Variants in MSI2 observed in about 807,000 individuals in gnomAD.
MSI2 encodes musashi RNA binding protein 2.
In MSI2, 17 loss-of-function variants were observed where a neutral mutation model predicts 45.6. The ratio of observed to expected loss-of-function variants is 0.37; its 90% CI spans 0.26 to 0.56. MSI2 has a LOEUF of 0.56. Ranked by LOEUF, MSI2 falls within the 20% of genes least tolerant of loss-of-function variation. The pLI is 0.77. For missense variants in MSI2, 293 were observed against 444.2 expected (o/e 0.66, Z 3.06); for synonymous variants, 156 against 158.2 (o/e 0.99, Z 0.11).
chr17:57,568,257 A>T (rs955488894), intron 7 of MSI2, among the ~76,000 whole-genome samples: 1 of 152,170 alleles, frequency 6.6e-6, no homozygotes, highest in African/African-American at 2.4e-5. Context: ...GTTTTTCACC[A>T]AATTATATTT....
chr17:57,606,181 T>G (rs1906556853), intron 8 of MSI2: 1 of 152,610 alleles, frequency 6.6e-6, no homozygotes, highest in Non-Finnish European at 1.5e-5. Flanking sequence ...TCTCTCTTCC[T>G]CTTCACTCCC....
At chr17:57,481,634 T>C (rs914715091) in intron 6 of MSI2, among the ~76,000 whole-genome samples, 2 of 152,156 alleles carry the variant, frequency 1.3e-5, no homozygotes, top group African/African-American at 4.8e-5. Flanking sequence ...GCTCCAAATA[T>C]CCCAAAGAAG....
intron 6 of MSI2, among the ~76,000 whole-genome samples, chr17:57,519,427 C>T (rs370194315): frequency 5.7e-4 from 87 of 152,158 alleles, no homozygotes; most frequent in African/African-American, 2.1e-3. Flanking sequence ...AGTCACTGCA[C>T]GGGGCGGGGA....
At chr17:57,653,778 GT>G (rs1911364549) in intron 11 of MSI2, among the ~76,000 whole-genome samples, 1 of 152,002 alleles carries the variant, frequency 6.6e-6, no homozygotes, top group Admixed American at 6.5e-5. Context: ...TTCATGGCAA[GT>G]TTAAAGGGCA....
At chr17:57,578,608 G>A (rs2144353743) in intron 7 of MSI2, among the ~76,000 whole-genome samples, 3 of 152,212 alleles carry the variant, frequency 2.0e-5, no homozygotes, top group Non-Finnish European at 4.4e-5. Flanking sequence ...GTAGAGGAGT[G>A]ACAAATACTT....
intron 5 of MSI2, among the ~76,000 whole-genome samples, chr17:57,353,051 C>T (rs889640507): frequency 1.3e-5 from 2 of 152,134 alleles, no homozygotes; most frequent in Non-Finnish European, 1.5e-5. Context: ...CACTGTGACG[C>T]CTTTTATTTC....
At chr17:57,460,172 T>C (rs1046686375) in intron 6 of MSI2, among the ~76,000 whole-genome samples, 1 of 124,202 alleles carries the variant, frequency 8.1e-6, no homozygotes, top group South Asian at 2.7e-4. Context: ...AATAAATAAA[T>C]AATCAGTTGG....
At chr17:57,577,205 C>A (rs4793874) in intron 7 of MSI2, among the ~76,000 whole-genome samples, 10,926 of 152,256 alleles carry the variant, frequency 0.072, 495 homozygotes, top group Middle Eastern at 0.12. Context: ...GTGAAGTTAC[C>A]AAGAGAAAGG....
chr17:57,411,147 G>A (rs1335540821), intron 6 of MSI2, among the ~76,000 whole-genome samples: 6 of 152,164 alleles, frequency 3.9e-5, no homozygotes. Flanking sequence ...TAGGACTACA[G>A]GCATGCACCA....
At chr17:57,471,974 C>T (rs778740153) in intron 6 of MSI2, among the ~76,000 whole-genome samples, 70 of 88,696 alleles carry the variant, frequency 7.9e-4, no homozygotes, top group Non-Finnish European at 1.4e-3. Context: ...AGGAGCTTGT[C>T]CTCTAGATTT....
intron 5 of MSI2, among the ~76,000 whole-genome samples, chr17:57,305,536 G>A (rs1428875211): frequency 6.6e-6 from 1 of 152,170 alleles, no homozygotes; most frequent in Non-Finnish European, 1.5e-5. Context: ...CAAAACACAC[G>A]CTGATCACTG....
intron 6 of MSI2, among the ~76,000 whole-genome samples, chr17:57,402,974 G>A (rs1453378321): frequency 1.3e-5 from 2 of 152,228 alleles, no homozygotes; most frequent in Non-Finnish European, 2.9e-5. Flanking sequence ...GCCCCACCCT[G>A]CCTAGGGAGA....
intron 10 of MSI2, among the ~76,000 whole-genome samples, chr17:57,649,306 A>G (rs1351358504): frequency 6.6e-6 from 1 of 151,614 alleles, no homozygotes; most frequent in East Asian, 2.0e-4. Context: ...CACAACACAC[A>G]CAACACATAC....
intron 9 of MSI2, among the ~76,000 whole-genome samples, chr17:57,623,249 T>C (rs1431935496): frequency 6.6e-6 from 1 of 152,128 alleles, no homozygotes; most frequent in Non-Finnish European, 1.5e-5. Context: ...GCAGCAGATA[T>C]GTCACACTCT....
intron 5 of MSI2, among the ~76,000 whole-genome samples, chr17:57,380,182 G>C (rs1324520495): frequency 2.0e-5 from 3 of 152,078 alleles, no homozygotes; most frequent in African/African-American, 7.2e-5. Context: ...TTGCTGAAAC[G>C]CACCCATGTC....
At chr17:57,512,178 G>A (rs970456694) in intron 6 of MSI2, among the ~76,000 whole-genome samples, 5 of 152,118 alleles carry the variant, frequency 3.3e-5, no homozygotes, top group Non-Finnish European at 5.9e-5. Flanking sequence ...CACTGATGGC[G>A]CCTCTGTCCC....
chr17:57,473,612 G>A (rs546514440), intron 6 of MSI2, among the ~76,000 whole-genome samples: 6 of 152,188 alleles, frequency 3.9e-5, no homozygotes, highest in Non-Finnish European at 8.8e-5. Context: ...TTGTTTCTGT[G>A]GGGAGGGTAT....
chr17:57,344,313 C>T (rs1915411372), intron 5 of MSI2, among the ~76,000 whole-genome samples: 1 of 152,202 alleles, frequency 6.6e-6, no homozygotes, highest in Non-Finnish European at 1.5e-5. Flanking sequence ...GGCTTATAAT[C>T]ATTACTGTAC....
At chr17:57,665,699 A>G (rs1912315620) in intron 11 of MSI2, among the ~76,000 whole-genome samples, 1 of 152,112 alleles carries the variant, frequency 6.6e-6, no homozygotes, top group African/African-American at 2.4e-5. Context: ...CCAGCTCCCA[A>G]AAGGACTTGG....
Sources: allele counts gnomAD v4.1 joint callset (sites outside exome capture counted in the v4.1 genomes callset), GRCh38; gene constraint gnomAD v4.1.1; transcripts MANE v1.5; gene names NCBI Gene and HGNC (gene_info 2026-07-23, HGNC 2026-07-21).